LAMC3: variants seen among roughly 807,000 people sequenced by gnomAD.
LAMC3 encodes laminin subunit gamma 3.
Under a neutral mutation model 173.8 loss-of-function variants are expected in LAMC3, and 128 were observed. The ratio of observed to expected loss-of-function variants is 0.74; its 90% CI spans 0.64 to 0.85. LAMC3 has a LOEUF of 0.85. Ranked by LOEUF, LAMC3 falls within the 40% of genes least tolerant of loss-of-function variation. LAMC3 has a pLI of 0.00. For missense variants in LAMC3, 2,022 were observed against 2,156.0 expected, an observed-to-expected ratio of 0.94 and a Z score of 1.23; for synonymous variants, 897 against 909.1, an observed-to-expected ratio of 0.99 and a Z score of 0.24.
At chr9:131,027,687 G>A (rs539598508) in intron 2 of LAMC3, among the ~76,000 whole-genome samples, 9 of 152,292 alleles carry the variant, frequency 5.9e-5, no homozygotes, top group South Asian at 2.1e-4. Flanking sequence ...TGGCTGCCAC[G>A]TTGGAGAGAC....
rs1339937571 is a variant in LAMC3, at chr9:131,075,917, T to C, written c.3581T>C (p.Leu1194Pro). ...SNTSYALLWN[L>P]LEGRVALETQ... is the part of the protein sequence containing the mutation. Reference sequence around the variant, plus strand: ...ACCAGCTACGCGCTTCTCTGGAATCTGCTGGAGGGAAGGGTGGCCCTAGAG... The same window carrying C: ...ACCAGCTACGCGCTTCTCTGGAATCCGCTGGAGGGAAGGGTGGCCCTAGAG... Residue 1194 changes from leucine to proline, a missense_variant, in exon 21 of 28, where the codon CTG becomes CCG. Physicochemically the swap from Leu to Pro is moderately conservative, Grantham distance 98. Transcript: ENST00000361069. 1 of 1,611,690 alleles carries C rather than the reference T, an allele frequency of 6.2e-7. No homozygotes were observed. The highest frequency in any genetic ancestry group is 2.2e-5 in the East Asian group (1 of 44,804).
intron 20 of LAMC3, 30 bp from the exon 21 acceptor site, chr9:131,075,801 G>A (rs1389205569): frequency 1.9e-6 from 3 of 1,599,140 alleles, no homozygotes; most frequent in African/African-American, 1.3e-5. Context: ...GCGAGCCCTT[G>A]GTAATGCTCA....
At chr9:131,031,448 T>C (rs995402546) in intron 2 of LAMC3, among the ~76,000 whole-genome samples, 2 of 152,084 alleles carry the variant, frequency 1.3e-5, no homozygotes, top group Middle Eastern at 3.2e-3. Flanking sequence ...CCTGCTCTCG[T>C]GGAAGAGATG....
intron 11 of LAMC3, among the ~76,000 whole-genome samples, chr9:131,053,368 G>A (rs1834337037): frequency 6.6e-6 from 1 of 152,164 alleles, no homozygotes; most frequent in Admixed American, 6.5e-5. Context: ...GCTGGTCACT[G>A]GCGGTATTGT....
chr9:131,036,132 G>T lies in LAMC3; in HGVS notation c.810-34G>T, dbSNP rs113640472. On this transcript the variant is annotated intron_variant, in intron 3 of 27. Transcript: ENST00000361069. Reference sequence around the variant, plus strand: ...CTCCTTGTCTGCCCTGCCGGCACCTGCGGGTCCCCTTCCTCCTCTGTGTCT... The same window carrying T: ...CTCCTTGTCTGCCCTGCCGGCACCTTCGGGTCCCCTTCCTCCTCTGTGTCT... 50 of 1,612,060 alleles carry T rather than the reference G, an allele frequency of 3.1e-5. No individual in the cohort carries two copies. In the African/African-American group the frequency reaches 5.2e-4, roughly 17 times the overall value.
intron 9 of LAMC3, among the ~76,000 whole-genome samples, chr9:131,050,273 G>T (rs975318256): frequency 6.6e-6 from 1 of 152,268 alleles, no homozygotes; most frequent in Non-Finnish European, 1.5e-5. Context: ...GGGGCACCCT[G>T]AGCAGCTGGA....
chr9:131,068,409 C>T (rs1476019211), intron 15 of LAMC3, among the ~76,000 whole-genome samples, 178 bp downstream of exon 15: 4 of 152,198 alleles, frequency 2.6e-5, no homozygotes, highest in Non-Finnish European at 5.9e-5. Flanking sequence ...GACTCATGCT[C>T]CTGCCAGCCC....
chr9:131,039,066 A>G lies in LAMC3; in HGVS notation c.1165+14A>G, dbSNP rs1373255983. ...GCCAGTCGGCAGGTGAGTGGACTCC[A>G]CATCCCCAGCCTCCGACCCTCTCCC... On this transcript the variant is annotated intron_variant, in intron 5 of 27. Coordinates refer to ENST00000361069, the MANE Select transcript of LAMC3 (RefSeq NM_006059.4). The G allele has an allele frequency of 3.1e-6, 5 of 1,612,772 alleles. No homozygotes were observed. The East Asian group carries it at 8.9e-5, about 29-fold the overall frequency.
At chr9:131,053,351 C>T (rs1834336820) in intron 11 of LAMC3, among the ~76,000 whole-genome samples, 1 of 152,176 alleles carries the variant, frequency 6.6e-6, no homozygotes, top group Admixed American at 6.5e-5. Context: ...GGCAGAGTGA[C>T]TCCCCTGCTG....
chr9:131,082,165 C>T lies in LAMC3; in HGVS notation c.4030+4C>T, dbSNP rs764304807. On this transcript the variant is annotated splice_donor_region_variant and intron_variant, in intron 24 of 27. Transcript: ENST00000361069. ...ACTCTGCTGGCTGATCTGGAAGGTA[C>T]GTGAGTCCAGCTGACCACTAGGCTG... The T allele has an allele frequency of 1.2e-5, 19 of 1,605,598 alleles. No homozygotes were observed. The highest frequency in any genetic ancestry group is 8.9e-5 in the East Asian group (4 of 44,790).
At chr9:131,018,698 C>G (rs1833575124) in intron 1 of LAMC3, among the ~76,000 whole-genome samples, 1 of 152,176 alleles carries the variant, frequency 6.6e-6, no homozygotes, top group African/African-American at 2.4e-5. Flanking sequence ...CTGTCTAGCT[C>G]CCATGCACCC....
chr9:131,048,883 A>G (rs1231001097), intron 8 of LAMC3, 137 bp from the exon 9 acceptor site: 4 of 605,026 alleles, frequency 6.6e-6, no homozygotes, highest in Middle Eastern at 4.4e-4. Context: ...CATGCCCCCA[A>G]GCAGATCCGG....
rs764576171 is a variant in LAMC3 at position 131,041,663 on chromosome 9, G to C, written c.1310G>C (p.Ser437Thr). The C allele has an allele frequency of 3.7e-6, 6 of 1,613,998 alleles. No homozygotes were observed. In the African/African-American group the frequency reaches 6.7e-5, roughly 18 times the overall value. Residue 437 changes from serine (S) to threonine (T), a missense_variant, in exon 7 of 28, where the codon AGC (serine) becomes ACC (threonine). By Grantham distance (58) the Ser-to-Thr change is moderately conservative. Coordinates refer to ENST00000361069, the MANE Select transcript of LAMC3 (RefSeq NM_006059.4). ...CRPCTCNPAG[S>T]LDTCDPRSGR... Reference sequence around the variant, plus strand: ...CCCTGCACTTGCAATCCCGCTGGCAGCCTGGACACCTGTGACCCCCGCAGT... The same window carrying C: ...CCCTGCACTTGCAATCCCGCTGGCACCCTGGACACCTGTGACCCCCGCAGT...
intron 4 of LAMC3, among the ~76,000 whole-genome samples, chr9:131,037,205 G>A (rs1833962859): frequency 6.6e-6 from 1 of 152,208 alleles, no homozygotes. Flanking sequence ...GCCTGCTGCT[G>A]TCTCCATGGT....
intron 20 of LAMC3, among the ~76,000 whole-genome samples, chr9:131,074,363 G>C (rs533216870): frequency 6.6e-6 from 1 of 151,682 alleles, no homozygotes; most frequent in Admixed American, 6.6e-5. Context: ...TCCGTCTTCT[G>C]TTAACAGACA....
intron 13 of LAMC3, among the ~76,000 whole-genome samples, chr9:131,066,474 T>A (rs1829934537): frequency 6.6e-6 from 1 of 151,550 alleles, no homozygotes. Context: ...GCCTGGGTGA[T>A]AGAGTGAGAC....
chr9:131,045,253 AC>A (rs370894317), intron 7 of LAMC3, among the ~76,000 whole-genome samples: 10 of 151,136 alleles, frequency 6.6e-5, no homozygotes, highest in African/African-American at 2.2e-4. Context: ...CAACAAAAAA[AC>A]AAAACCTAAT....
intron 11 of LAMC3, among the ~76,000 whole-genome samples, chr9:131,053,756 C>A (rs1358189109): frequency 6.6e-6 from 1 of 152,114 alleles, no homozygotes; most frequent in African/African-American, 2.4e-5. Context: ...TCGCTTGAAC[C>A]CAGGAGGCGG....
At chr9:131,087,224 T>A (rs1290059853) in intron 25 of LAMC3, among the ~76,000 whole-genome samples, 1 of 152,230 alleles carries the variant, frequency 6.6e-6, no homozygotes, top group Non-Finnish European at 1.5e-5. Context: ...CAGCCCCTCC[T>A]CCCCTCTGTG....
Sources: gnomAD v4.1 joint callset for allele counts (sites outside exome capture counted in the v4.1 genomes callset) on GRCh38, gnomAD v4.1.1 for gene constraint, MANE v1.5 for transcripts, NCBI Gene and HGNC (gene_info 2026-07-23, HGNC 2026-07-21) for gene names.